Variants in SH3TC1 observed in about 807,000 individuals in gnomAD.
The protein encoded by SH3TC1 is SH3 domain and tetratricopeptide repeat-containing protein 1.
SH3TC1 carries 135 observed loss-of-function variants against 117.3 expected under a neutral mutation model. The ratio of observed to expected loss-of-function variants is 1.15; its 90% CI spans 1.00 to 1.33. The LOEUF is 1.33. Ranked by LOEUF, SH3TC1 falls within the 40% of genes most tolerant of loss-of-function variation. The pLI is 0.00. For synonymous variants in SH3TC1, 898 were observed against 816.9 expected (o/e 1.10, Z -1.69); for missense variants, 2,092 against 1,794.3 (o/e 1.17, Z -3.00).
chr4:8,241,081 G>GT lies in SH3TC1; in HGVS notation c.*130dup. The GT allele has an allele frequency of 1.5e-6, 2 of 1,332,740 alleles. No individual in the cohort carries two copies. Among genetic ancestry groups the GT allele is most frequent in the Non-Finnish European group, 2.0e-6 (2 of 997,302 alleles). The allele number at this position is 1,332,740 out of a possible 1,614,324, so 82.6% of individuals were successfully genotyped here. Reference sequence around the variant, plus strand: ...GCAGGGGCCAAATAGCAATAAATGGGTTTTGTTTTTTTTTTGCAATAACTT... The same window carrying GT: ...GCAGGGGCCAAATAGCAATAAATGGGTTTTTGTTTTTTTTTTGCAATAACTT... On this transcript the variant is annotated 3_prime_UTR_variant, in exon 18 of 18. Coordinates refer to ENST00000245105, the MANE Select transcript of SH3TC1 (RefSeq NM_018986.5).
chr4:8,233,047 T>G (rs1270811892), intron 13 of SH3TC1: 13 of 1,234,248 alleles, frequency 1.1e-5, no homozygotes, highest in Non-Finnish European at 1.3e-5. Context: ...GGATAGCATC[T>G]GAACACTGAT....
chr4:8,194,797 G>GT (rs926420764), upstream of SH3TC1, among the ~76,000 whole-genome samples: 9 of 152,352 alleles, frequency 5.9e-5, no homozygotes, highest in South Asian at 1.2e-3. Flanking sequence ...GCTCGAAGGA[G>GT]TGGGTGTTAG....
chr4:8,220,859 A>T (rs913078093), intron 9 of SH3TC1, among the ~76,000 whole-genome samples: 2 of 152,222 alleles, frequency 1.3e-5, no homozygotes, highest in African/African-American at 4.8e-5. Flanking sequence ...TGTGCATCAG[A>T]AGCAGCTGGA....
In SH3TC1 at chr4:8,227,747, C is replaced by G. The variant is rs1720650233; in HGVS notation, c.2053C>G (p.Leu685Val). The change falls in exon 12 of 18, where the codon CTG (leucine) becomes GTG (valine). Residue 685 changes from leucine to valine, a missense_variant. Transcript: ENST00000245105. ...HVHLKQPEEA[L>V]PFLERLLLLH... ...GCACCTCAAGCAGCCCGAGGAGGCCCTGCCCTTCCTAGAGCGGCTGCTGCT... is the reference window on the plus strand; with the variant it reads ...GCACCTCAAGCAGCCCGAGGAGGCCGTGCCCTTCCTAGAGCGGCTGCTGCT... 2 of 1,609,442 alleles carry G rather than the reference C, an allele frequency of 1.2e-6. No homozygotes were observed. The highest frequency in any genetic ancestry group is 1.3e-5 in the African/African-American group (1 of 74,890).
intron 1 of SH3TC1, among the ~76,000 whole-genome samples, chr4:8,202,041 G>T (rs1717874512): frequency 6.6e-6 from 1 of 152,198 alleles, no homozygotes; most frequent in African/African-American, 2.4e-5. Flanking sequence ...GCATGCCCAG[G>T]GAGTGGATTC....
chr4:8,228,722 C>T (rs780869988), intron 12 of SH3TC1, 78 bp downstream of exon 12: 29 of 1,223,074 alleles, frequency 2.4e-5, no homozygotes, highest in Admixed American at 9.4e-5. Context: ...GATTCAGACA[C>T]AAGCGGTGGT....
chr4:8,232,902 G>C, intron 13 of SH3TC1: 1 of 1,202,244 alleles, frequency 8.3e-7, no homozygotes, highest in Non-Finnish European at 1.1e-6. Context: ...TGTCACCTAG[G>C]AGCTTGTGGC....
In SH3TC1 at chr4:8,190,498, C is replaced by T. The variant is rs928138182; in HGVS notation, c.-57+8288C>T. Among the ~76,000 whole-genome samples, 1 of 152,160 alleles carries T rather than the reference C, an allele frequency of 6.6e-6. No homozygotes were observed. The highest frequency in any genetic ancestry group is 1.5e-5 in the Non-Finnish European group (1 of 68,034). On this transcript the variant is annotated intron_variant, in intron 1 of 16. Coordinates refer to the SH3TC1 transcript ENST00000508641. This position sits in a 1 kb window ranked among gnomAD's most constrained non-coding sequence, Gnocchi z 4.7. ...ATCTGTAAGCTGGGATCTGATGTCC[C>T]CGGGCTCTTGGGAGAATGGCAGCCT...
chr4:8,232,420 CCAG>C (rs1375687474), intron 13 of SH3TC1: 2 of 1,555,552 alleles, frequency 1.3e-6, no homozygotes, highest in African/African-American at 1.3e-5. Flanking sequence ...CATCTCAACC[CCAG>C]CAGAAGCAGT....
chr4:8,227,943 T>C lies in SH3TC1; in HGVS notation c.2249T>C (p.Leu750Pro), dbSNP rs772277777. Residue 750 changes from leucine (L) to proline (P), a missense_variant, in exon 12 of 18, where the codon CTG (leucine) becomes CCG (proline). Transcript: ENST00000245105. ...SLAGSLRSVN[L>P]VLQNAPQPHS... ...GCCGGCTCGCTGAGGAGTGTGAACC[T>C]GGTGCTCCAGAACGCCCCCCAGCCC... The C allele has an allele frequency of 1.2e-6, 2 of 1,612,600 alleles. No individual in the cohort carries two copies. The highest frequency in any genetic ancestry group is 1.7e-6 in the Non-Finnish European group (2 of 1,179,948).
At chr4:8,234,753 G>A (rs1721652402) in intron 14 of SH3TC1, among the ~76,000 whole-genome samples, 1 of 152,242 alleles carries the variant, frequency 6.6e-6, no homozygotes, top group Non-Finnish European at 1.5e-5. Context: ...TGAGGGCAGA[G>A]GCACAGCCCC....
Position 8,209,817 on chromosome 4 carries a change from C to T in SH3TC1, c.242C>T (p.Pro81Leu), listed in dbSNP as rs913893294. ...GTPPCQMGVY[P>L]TDLTLQLLAV... is the part of the protein sequence containing the mutation. ...CCTCCCTGCCAGATGGGGGTTTATC[C>T]CACAGGTAAACATCCTGGGCCCTAC... is the stretch of plus-strand genomic sequence containing the variant. The change falls in exon 3 of 18, where the codon CCC (proline) becomes CTC (leucine). Residue 81 changes from proline to leucine, a missense_variant. Coordinates refer to ENST00000245105, the MANE Select transcript of SH3TC1 (RefSeq NM_018986.5). The surrounding 1 kb of genome is among the most constrained non-coding windows in gnomAD (Gnocchi z 5.9). 1 of 1,613,326 alleles carries T rather than the reference C, an allele frequency of 6.2e-7. No individual in the cohort carries two copies. The highest frequency in any genetic ancestry group is 1.3e-5 in the African/African-American group (1 of 75,030).
chr4:8,233,100 C>G (rs111820924), intron 13 of SH3TC1: 1 of 1,308,170 alleles, frequency 7.6e-7, no homozygotes, highest in African/African-American at 1.5e-5. Flanking sequence ...ATGTCTGGGA[C>G]GCGGGGGAGA....
chr4:8,240,709 T>C lies in SH3TC1; in HGVS notation c.3765T>C (p.Asp1255=), dbSNP rs751416308. The C allele has an allele frequency of 3.7e-6, 6 of 1,614,022 alleles. No individual in the cohort carries two copies. The East Asian group carries it at 8.9e-5, about 24-fold the overall frequency. The change falls in exon 18 of 18, where the codon GAT becomes GAC. Residue 1255 remains aspartate, a synonymous_variant. Coordinates refer to ENST00000245105, the MANE Select transcript of SH3TC1 (RefSeq NM_018986.5). Reference sequence around the variant, plus strand: ...CCTGTCCCCTTCAGGACCCGTTTGATGCAGCCGGGTACTACCAGCTGGCGC... The same window carrying C: ...CCTGTCCCCTTCAGGACCCGTTTGACGCAGCCGGGTACTACCAGCTGGCGC... The part of the protein sequence containing the change: ...IIFYDLKDPF[D]AAGYYQLALA...
At chr4:8,237,075 G>A (rs185835610) in intron 16 of SH3TC1, 3 of 195,630 alleles carry the variant, frequency 1.5e-5, no homozygotes, top group Admixed American at 6.1e-5. Flanking sequence ...GCTCAGGCAC[G>A]CAGTGACTCC....
rs893068885 is a variant in SH3TC1 at position 8,235,518 on chromosome 4, G to A, written c.3368G>A (p.Gly1123Glu). 8 of 1,606,274 alleles carry A rather than the reference G, an allele frequency of 5.0e-6. No individual in the cohort carries two copies. In the African/African-American group the frequency reaches 5.4e-5, roughly 11 times the overall value. Residue 1123 changes from glycine (G) to glutamate (E), a missense_variant, in exon 15 of 18, where the codon GGG becomes GAG. By Grantham distance (98) the Gly-to-Glu change is moderately conservative. Transcript: ENST00000245105. ...GCGGCTGGAGACATCTTCTTCGACG[G>A]GGCCTGGGAGCGGGAGAAAGCTGTG... ...FEAAGDIFFD[G>E]AWEREKAVSF...
At chr4:8,194,795 G>C (rs1427918087), upstream of SH3TC1, among the ~76,000 whole-genome samples, 1 of 152,218 alleles carries the variant, frequency 6.6e-6, no homozygotes, top group Non-Finnish European at 1.5e-5. Flanking sequence ...GTGCTCGAAG[G>C]AGTGGGTGTT....
At chr4:8,193,497 C>T (rs1045230825) in intron 1 of SH3TC1, among the ~76,000 whole-genome samples, 10 of 152,314 alleles carry the variant, frequency 6.6e-5, no homozygotes, top group Middle Eastern at 3.4e-3. Flanking sequence ...TCCTCTCCCT[C>T]CAAGTCTCAG....
chr4:8,219,247 G>T, intron 8 of SH3TC1, 88 bp from the exon 9 acceptor site: 2 of 1,312,286 alleles, frequency 1.5e-6, no homozygotes, highest in South Asian at 3.2e-5. Flanking sequence ...AATTCCCCAT[G>T]GTTCAGGGTG....
Sources: gnomAD v4.1 joint callset for allele counts (sites outside exome capture counted in the v4.1 genomes callset) on GRCh38, gnomAD v4.1.1 for gene constraint, Gnocchi (gnomAD v3.1) non-coding constraint, MANE v1.5 for transcripts, NCBI Gene and HGNC (gene_info 2026-07-23, HGNC 2026-07-21) for gene names.